CELF2: variants seen among roughly 807,000 people sequenced by gnomAD.
CELF2 encodes CUG triplet repeat RNA-binding protein 2.
In CELF2, 8 loss-of-function variants were observed where a neutral mutation model predicts 62.6. That is an observed-to-expected ratio of 0.13 (90% CI 0.07 to 0.23). The LOEUF is 0.23. CELF2 is among the 10% of genes least tolerant of loss of function. The pLI is 1.00. For synonymous variants in CELF2, 258 were observed against 250.0 expected (o/e 1.03, Z -0.30); for missense variants, 333 against 671.0 (o/e 0.50, Z 5.56).
Position 11,285,097 on chromosome 10 carries a change from G to T in CELF2, c.842-3321G>T, listed in dbSNP as rs956931364. 6.7e-6 allele frequency among the ~76,000 whole-genome samples: 1 copy of T among 150,306 alleles called. No individual in the cohort carries two copies. The highest frequency in any genetic ancestry group is 1.5e-5 in the Non-Finnish European group (1 of 67,778). Reference sequence around the variant, plus strand: ...ACGCGGAATGATGGATGGATGGATGGGTGGGTGGGTGGATGGGCGGATGAT... The same window carrying T: ...ACGCGGAATGATGGATGGATGGATGTGTGGGTGGGTGGATGGGCGGATGAT... On this transcript the variant is annotated intron_variant, in intron 8 of 12. Transcript: ENST00000633077. This position sits in a 1 kb window ranked among gnomAD's most constrained non-coding sequence, Gnocchi z 4.3.
At chr10:11,200,215 G>A (rs1053292376) in intron 2 of CELF2, among the ~76,000 whole-genome samples, 2 of 152,204 alleles carry the variant, frequency 1.3e-5, no homozygotes, top group Non-Finnish European at 2.9e-5. Flanking sequence ...ATGATTTTCA[G>A]TCTGCCTACG....
At chr10:11,277,499 A>G (rs1359070888) in intron 8 of CELF2, among the ~76,000 whole-genome samples, 1 of 152,174 alleles carries the variant, frequency 6.6e-6, no homozygotes, top group East Asian at 1.9e-4. Flanking sequence ...CGTGGCTGAT[A>G]GACTCAGCTC....
chr10:10,573,537 C>T, the CELF2 span, among the ~76,000 whole-genome samples: 1 of 152,080 alleles, frequency 6.6e-6, no homozygotes, highest in East Asian at 1.9e-4. Context: ...CAAAGAGATG[C>T]AGAATTCTTT....
chr10:10,743,255 T>G, the CELF2 span, among the ~76,000 whole-genome samples: 3 of 152,256 alleles, frequency 2.0e-5, no homozygotes, highest in East Asian at 1.9e-4. Context: ...ATATAGCCAG[T>G]GGTCTCTATT....
In CELF2 at chr10:11,110,729, T is replaced by C. The variant is rs929437411; in HGVS notation, c.75-54757T>C. ...CAGCAGTGCATCAACAAAGGCCCCT[T>C]TCTTCTGGAATTCCAGAGTACAGTG... On this transcript the variant is annotated intron_variant, in intron 1 of 12. Coordinates refer to ENST00000633077, the MANE Select transcript of CELF2 (RefSeq NM_001326342.2). This position sits in a 1 kb window ranked among gnomAD's most constrained non-coding sequence, Gnocchi z 4.0. 6.6e-6 allele frequency among the ~76,000 whole-genome samples: 1 copy of C among 152,108 alleles called. No homozygotes were observed. The highest frequency in any genetic ancestry group is 1.5e-5 in the Non-Finnish European group (1 of 68,010).
At chr10:10,653,452 A>G in the CELF2 span, among the ~76,000 whole-genome samples, 5 of 147,372 alleles carry the variant, frequency 3.4e-5, no homozygotes, top group Non-Finnish European at 7.5e-5. Flanking sequence ...TCCAAAATTG[A>G]CCACATACTT....
Position 11,211,811 on chromosome 10 carries a change from AGAGTGTGTGTGT to A in CELF2, c.272-5612_272-5601del, listed in dbSNP as rs1459095580. ...GTGTGTGAGAGAGAGAGAGAGAGAGAGAGTGTGTGTGTGTGTGTGTGTGTGTGTGTGTGTGTG... is the reference window on the plus strand; with the variant it reads ...GTGTGTGAGAGAGAGAGAGAGAGAGAGTGTGTGTGTGTGTGTGTGTGTGTG... On this transcript the variant is annotated intron_variant, in intron 2 of 12. Transcript: ENST00000633077. The surrounding 1 kb of genome is among the most constrained non-coding windows in gnomAD (Gnocchi z 4.8). Among the ~76,000 whole-genome samples the A allele has an allele frequency of 0.01, 573 of 56,094 alleles. 2 individuals carry two copies. Among genetic ancestry groups the A allele is most frequent in the Non-Finnish European group, 0.016 (386 of 23,602 alleles). 36.8% of individuals were successfully genotyped at this position (56,094 alleles called of 152,430 possible).
At chr10:10,976,991 A>AC (rs199906251) in intron 2 of CELF2, among the ~76,000 whole-genome samples, 2,208 of 152,194 alleles carry the variant, frequency 0.015, 52 homozygotes, top group African/African-American at 0.051. Flanking sequence ...TCCCACCTAT[A>AC]TGACTGTGTC....
intron 1 of CELF2, among the ~76,000 whole-genome samples, chr10:11,052,854 G>A (rs1239521442): frequency 6.6e-6 from 1 of 152,188 alleles, no homozygotes; most frequent in Non-Finnish European, 1.5e-5. Context: ...AGTAAATCAT[G>A]TAGTAGAGGG....
At chr10:10,485,598 CTATT>C in the CELF2 span, among the ~76,000 whole-genome samples, 1 of 152,188 alleles carries the variant, frequency 6.6e-6, no homozygotes, top group Admixed American at 6.5e-5. Flanking sequence ...AATCTCTGCT[CTATT>C]TGTGGCACTA....
At chr10:10,491,967 C>G in the CELF2 span, among the ~76,000 whole-genome samples, 1 of 152,142 alleles carries the variant, frequency 6.6e-6, no homozygotes, top group African/African-American at 2.4e-5. Flanking sequence ...CCATCCCTCT[C>G]TTTCCCACTT....
chr10:10,571,427 A>C, the CELF2 span, among the ~76,000 whole-genome samples: 1 of 152,224 alleles, frequency 6.6e-6, no homozygotes, highest in Non-Finnish European at 1.5e-5. Flanking sequence ...CCAATCGCCC[A>C]AATAATATAA....
chr10:10,908,683 A>G (rs2063553045), intron 1 of CELF2, among the ~76,000 whole-genome samples: 1 of 152,224 alleles, frequency 6.6e-6, no homozygotes, highest in Non-Finnish European at 1.5e-5. Flanking sequence ...ATTCTTTCAA[A>G]TCATATCAGA....
the CELF2 span, among the ~76,000 whole-genome samples, chr10:10,605,458 AC>A: frequency 1.2e-4 from 19 of 152,196 alleles, no homozygotes; most frequent in Non-Finnish European, 2.2e-4. Flanking sequence ...CATAACTCCT[AC>A]TATCCAATAA....
At chr10:11,079,062 T>C (rs986493743) in intron 1 of CELF2, among the ~76,000 whole-genome samples, 6 of 152,180 alleles carry the variant, frequency 3.9e-5, no homozygotes, top group Admixed American at 3.9e-4. Flanking sequence ...ACTCAAAGTA[T>C]AAAACTACTT....
chr10:10,554,015 C>T, the CELF2 span, among the ~76,000 whole-genome samples: 1 of 152,108 alleles, frequency 6.6e-6, no homozygotes, highest in Non-Finnish European at 1.5e-5. Flanking sequence ...GAAGGATAGA[C>T]TGGAAAGTGG....
At chr10:11,170,811 C>T (rs561310313) in intron 2 of CELF2, among the ~76,000 whole-genome samples, 4 of 152,096 alleles carry the variant, frequency 2.6e-5, no homozygotes, top group Non-Finnish European at 4.4e-5. Flanking sequence ...TCATCGCTCT[C>T]GTAATGTGTT....
chr10:10,745,780 A>AG, the CELF2 span, among the ~76,000 whole-genome samples: 1 of 152,188 alleles, frequency 6.6e-6, no homozygotes, highest in Non-Finnish European at 1.5e-5. Context: ...AACTTAATGT[A>AG]GGTATCTCTG....
At chr10:10,846,053 T>C in intron 1 of CELF2, 1 of 975,332 alleles carries the variant, frequency 1.0e-6, no homozygotes. Flanking sequence ...TGAACCCCCT[T>C]TCATTGTAGA....
Sources: gnomAD v4.1 joint callset for allele counts (sites outside exome capture counted in the v4.1 genomes callset) on GRCh38, gnomAD v4.1.1 for gene constraint, Gnocchi (gnomAD v3.1) non-coding constraint, MANE v1.5 for transcripts, NCBI Gene and HGNC (gene_info 2026-07-23, HGNC 2026-07-21) for gene names.